ATF6: variants seen among roughly 807,000 people sequenced by gnomAD.
ATF6 encodes the protein cyclic AMP-dependent transcription factor ATF-6 alpha.
ATF6 carries 53 observed loss-of-function variants against 83.6 expected under a neutral mutation model. The ratio of observed to expected loss-of-function variants is 0.63; its 90% CI spans 0.51 to 0.80. The LOEUF is 0.80. Ranked by LOEUF, ATF6 falls within the 30% of genes least tolerant of loss-of-function variation. The probability of loss-of-function intolerance (pLI) is 0.00; values close to 1 mark genes in which losing one functional copy is unlikely to be tolerated. For synonymous variants in ATF6, 288 were observed against 285.8 expected, an observed-to-expected ratio of 1.01 and a Z score of -0.08; for missense variants, 744 against 797.9, an observed-to-expected ratio of 0.93 and a Z score of 0.81.
chr1:161,888,929 C>A (rs925859009), intron 14 of ATF6, among the ~76,000 whole-genome samples: 6 of 152,164 alleles, frequency 3.9e-5, no homozygotes, highest in Non-Finnish European at 7.3e-5. Flanking sequence ...ATCCAGCTTG[C>A]CAGTATTTCC....
intron 14 of ATF6, among the ~76,000 whole-genome samples, chr1:161,895,219 AGAGT>A (rs1473106957): frequency 1.3e-5 from 2 of 152,198 alleles, no homozygotes; most frequent in Admixed American, 6.5e-5. Context: ...CTTGGCTGAC[AGAGT>A]GAGAACCTGT....
rs112393489 is a variant in ATF6 at position 161,831,933 on chromosome 1, T to G, written c.1187+10772T>G. On this transcript the variant is annotated intron_variant, in intron 9 of 15. Transcript: ENST00000367942. ...ACGTTGTGCACATGTACCCTAGAAC[T>G]TAAAGTATAATAAAAAAAAAAAAAG... is the stretch of plus-strand genomic sequence containing the variant. Among the ~76,000 whole-genome samples, 1,463 of 146,452 alleles carry G rather than the reference T, an allele frequency of 1.0e-2. 26 individuals carry two copies. Among genetic ancestry groups the G allele is most frequent in the African/African-American group, 0.035 (1,396 of 39,632 alleles).
chr1:161,844,729 T>A (rs913918929), intron 9 of ATF6, among the ~76,000 whole-genome samples: 4 of 152,176 alleles, frequency 2.6e-5, no homozygotes, highest in African/African-American at 7.2e-5. Context: ...ACTTTTTTTT[T>A]AAAGTTAGTT....
intron 12 of ATF6, among the ~76,000 whole-genome samples, chr1:161,857,446 AGG>A (rs1686789176): frequency 6.6e-6 from 1 of 152,128 alleles, no homozygotes; most frequent in Non-Finnish European, 1.5e-5. Flanking sequence ...TTTTTAGAGA[AGG>A]TAAAGGGGAA....
intron 15 of ATF6, among the ~76,000 whole-genome samples, chr1:161,953,948 A>G (rs992116448): frequency 2.0e-5 from 3 of 152,222 alleles, no homozygotes; most frequent in Non-Finnish European, 2.9e-5. Context: ...GAAAAGATCA[A>G]TATTGGAGTT....
intron 15 of ATF6, among the ~76,000 whole-genome samples, chr1:161,948,334 C>T (rs1688795781): frequency 6.6e-6 from 1 of 152,096 alleles, no homozygotes; most frequent in Admixed American, 6.5e-5. Context: ...TCCTTTATCC[C>T]ATCTTTTCCA....
At chr1:161,925,600 A>G (rs1459055360) in intron 15 of ATF6, among the ~76,000 whole-genome samples, 2 of 152,178 alleles carry the variant, frequency 1.3e-5, no homozygotes, top group Non-Finnish European at 2.9e-5. Flanking sequence ...ATCAGTAGTT[A>G]TCATCAACTT....
Position 161,796,781 on chromosome 1 carries a change from A to G in ATF6, c.688+4454A>G, listed in dbSNP as rs141565414. 4.4e-3 allele frequency among the ~76,000 whole-genome samples: 671 copies of G among 152,222 alleles called. 1 individual carries two copies. Among genetic ancestry groups the G allele is most frequent in the Middle Eastern group, 0.01 (3 of 294 alleles). The stretch of plus-strand genomic sequence containing the variant: ...ATTCAGGAGCCTTTGGGGAGAGACT[A>G]TGGGTTTTCTAGGTGTAGAATTATA... On this transcript the variant is annotated intron_variant, in intron 6 of 15. Coordinates refer to ENST00000367942, the MANE Select transcript of ATF6 (RefSeq NM_007348.4).
rs567546841 is a variant in ATF6, at chr1:161,869,612, TTC to T, written c.1719+6302_1719+6303del. ...CAGAAGAGAGATGTTTTAAAAAACC[TTC>T]TTTTAGAAGGCTTTTTAAAATTAAT... On this transcript the variant is annotated intron_variant, in intron 14 of 15. Transcript: ENST00000367942. Among the ~76,000 whole-genome samples, 403 of 152,008 alleles carry T rather than the reference TTC, an allele frequency of 2.7e-3. 3 individuals carry two copies. Among genetic ancestry groups the T allele is most frequent in the African/African-American group, 9.0e-3 (374 of 41,550 alleles).
chr1:161,834,256 G>T (rs970904413), intron 9 of ATF6, among the ~76,000 whole-genome samples: 1 of 152,106 alleles, frequency 6.6e-6, no homozygotes, highest in Non-Finnish European at 1.5e-5. Context: ...CCGGAAGGAA[G>T]CACTAAACAT....
At chr1:161,806,875 G>T (rs190858329) in intron 7 of ATF6, among the ~76,000 whole-genome samples, 1 of 152,096 alleles carries the variant, frequency 6.6e-6, no homozygotes, top group Non-Finnish European at 1.5e-5. Context: ...TCTAGAATTG[G>T]TGTACAGTTA....
chr1:161,837,868 A>G (rs1418869705), intron 9 of ATF6, among the ~76,000 whole-genome samples: 4 of 152,216 alleles, frequency 2.6e-5, no homozygotes, highest in African/African-American at 9.7e-5. Flanking sequence ...TATTTGATAT[A>G]TGGATTAATT....
chr1:161,908,486 A>T (rs1360377307), intron 14 of ATF6, among the ~76,000 whole-genome samples: 1 of 152,148 alleles, frequency 6.6e-6, no homozygotes, highest in Non-Finnish European at 1.5e-5. Context: ...TAGAAAACTG[A>T]TGCTTTATTT....
chr1:161,874,611 G>A (rs1687173025), intron 14 of ATF6, among the ~76,000 whole-genome samples: 1 of 151,228 alleles, frequency 6.6e-6, no homozygotes, highest in Admixed American at 6.6e-5. Flanking sequence ...ATTTTATTCT[G>A]TTAAGAATGA....
chr1:161,894,776 TCTTGACCTCGTGAGCCACCCGC>T (rs1384735321), intron 14 of ATF6, among the ~76,000 whole-genome samples: 1 of 146,396 alleles, frequency 6.8e-6, no homozygotes, highest in Non-Finnish European at 1.5e-5. Flanking sequence ...GACCGGGAAC[TCTTGACCTCGTGAGCCACCCGC>T]CTTGGCCTCC....
chr1:161,945,994 TTTTTG>T (rs896271788), intron 15 of ATF6, among the ~76,000 whole-genome samples: 1 of 152,026 alleles, frequency 6.6e-6, no homozygotes, highest in African/African-American at 2.4e-5. Context: ...ACAGAGTCTG[TTTTTG>T]TTTTGTTTTG....
At chr1:161,857,913 T>C (rs1686798910) in intron 12 of ATF6, among the ~76,000 whole-genome samples, 1 of 152,136 alleles carries the variant, frequency 6.6e-6, no homozygotes, top group Admixed American at 6.6e-5. Flanking sequence ...CAAAGTATAA[T>C]CTCTAGAGCA....
At chr1:161,885,956 A>G (rs1020923852) in intron 14 of ATF6, among the ~76,000 whole-genome samples, 1 of 152,222 alleles carries the variant, frequency 6.6e-6, no homozygotes, top group East Asian at 1.9e-4. Flanking sequence ...TATAGAAGTC[A>G]TTTCATTTAA....
chr1:161,819,533 A>G, intron 7 of ATF6, 100 bp from the exon 8 acceptor site: 1 of 991,710 alleles, frequency 1.0e-6, no homozygotes, highest in South Asian at 3.5e-5. Flanking sequence ...ATGCTTTGAA[A>G]AAATTGTTGG....
Sources: allele counts gnomAD v4.1 joint callset (sites outside exome capture counted in the v4.1 genomes callset), GRCh38; gene constraint gnomAD v4.1.1; transcripts MANE v1.5; gene names NCBI Gene and HGNC (gene_info 2026-07-23, HGNC 2026-07-21).